Variants in DCLK2 observed in about 807,000 individuals in gnomAD.
DCLK2 encodes doublecortin like kinase 2.
DCLK2 carries 31 observed loss-of-function variants against 78.4 expected under a neutral mutation model. That is an observed-to-expected ratio of 0.40 (90% CI 0.30 to 0.53). DCLK2 has a LOEUF of 0.53. Ranked by LOEUF, DCLK2 falls within the 20% of genes least tolerant of loss-of-function variation. The pLI, the probability that DCLK2 is intolerant of heterozygous loss-of-function variation, is 0.61. For missense variants in DCLK2, 872 were observed against 973.7 expected (o/e 0.90, Z 1.39); for synonymous variants, 407 against 374.9 (o/e 1.09, Z -0.99).
chr4:150,249,441 C>T lies in DCLK2; in HGVS notation c.1957-127C>T, dbSNP rs570501046. 416 of 732,776 alleles carry T rather than the reference C, an allele frequency of 5.7e-4. 3 individuals are homozygous for T. Among genetic ancestry groups the T allele is most frequent in the Non-Finnish European group, 9.0e-4 (368 of 410,192 alleles). The allele number at this position is 732,776 out of a possible 1,614,324, so 45.4% of individuals were successfully genotyped here. A position where few individuals can be genotyped will look rare whatever the true frequency, so the allele number is the denominator to read the frequency against. On this transcript the variant is annotated intron_variant, in intron 14 of 15. Coordinates refer to ENST00000296550, the MANE Select transcript of DCLK2 (RefSeq NM_001040260.4). ...GATCATTGTTTCCCTAATTCTGTGGCTAAGAGGGGCCCATTTAGGAAGAGG... is the reference window on the plus strand; with the variant it reads ...GATCATTGTTTCCCTAATTCTGTGGTTAAGAGGGGCCCATTTAGGAAGAGG...
At chr4:150,187,818 T>TG (rs34788043) in intron 2 of DCLK2, among the ~76,000 whole-genome samples, 2 of 151,040 alleles carry the variant, frequency 1.3e-5, no homozygotes, top group African/African-American at 2.4e-5. Context: ...TTTTTTTTTT[T>TG]GTGACAGAGT....
rs183391707 is a variant in DCLK2 at position 150,085,471 on chromosome 4, A to G, written c.421+6023A>G. On this transcript the variant is annotated intron_variant, in intron 1 of 15. Coordinates refer to ENST00000296550, the MANE Select transcript of DCLK2 (RefSeq NM_001040260.4). The stretch of plus-strand genomic sequence containing the variant: ...GCTAAATTCCCTCCTTTTATAACTA[A>G]CCCACTCCCACAATAACAGCTTTAA... 7.9e-5 allele frequency among the ~76,000 whole-genome samples: 12 copies of G among 152,226 alleles called. No individual in the cohort carries two copies. The East Asian group carries it at 1.2e-3, about 15-fold the overall frequency.
chr4:150,225,505 C>T (rs147941134), intron 8 of DCLK2, among the ~76,000 whole-genome samples: 242 of 152,276 alleles, frequency 1.6e-3, no homozygotes, highest in African/African-American at 5.7e-3. Context: ...AGAGAACAAG[C>T]TGTAGAGCTA....
intron 5 of DCLK2, among the ~76,000 whole-genome samples, chr4:150,208,834 A>G (rs9760725): frequency 1.4e-3 from 209 of 152,280 alleles, no homozygotes; most frequent in African/African-American, 4.9e-3. Flanking sequence ...CAGAGTTCAC[A>G]ATAGTTTAGC....
At chr4:150,141,873 AC>A (rs1331371784) in intron 2 of DCLK2, among the ~76,000 whole-genome samples, 1 of 152,206 alleles carries the variant, frequency 6.6e-6, no homozygotes. Flanking sequence ...GTGATTTAAT[AC>A]CCTGGAATAT....
chr4:150,115,093 T>C (rs74749082), intron 2 of DCLK2, among the ~76,000 whole-genome samples: 1 of 152,366 alleles, frequency 6.6e-6, no homozygotes, highest in Non-Finnish European at 1.5e-5. Context: ...TTTTAATTAC[T>C]TTTTCCTTGT....
Position 150,218,050 on chromosome 4 carries a change from A to ACTCTCGCTCTCT in DCLK2, c.1057-2635_1057-2624dup, listed in dbSNP as rs534942242. Among the ~76,000 whole-genome samples the ACTCTCGCTCTCT allele has an allele frequency of 1.2e-3, 184 of 149,398 alleles. No homozygotes were observed. In the East Asian group the frequency reaches 0.028, roughly 23 times the overall value. On this transcript the variant is annotated intron_variant, in intron 5 of 15. Coordinates refer to ENST00000296550, the MANE Select transcript of DCLK2 (RefSeq NM_001040260.4). ...GCCATGCTCGCTGTTGCTCGCTCTC[A>ACTCTCGCTCTCT]CTCTCGCTCTCTCTCTCGCTCTCTC...
chr4:150,188,756 G>A (rs1429803835), intron 2 of DCLK2, among the ~76,000 whole-genome samples: 1 of 151,814 alleles, frequency 6.6e-6, no homozygotes, highest in Non-Finnish European at 1.5e-5. Flanking sequence ...AAAAAAATAA[G>A]CTGGGCATGG....
intron 2 of DCLK2, among the ~76,000 whole-genome samples, chr4:150,123,003 C>T (rs1732672860): frequency 6.6e-6 from 1 of 152,210 alleles, no homozygotes; most frequent in East Asian, 1.9e-4. Flanking sequence ...TAGGACCTTG[C>T]TTTGGATTAG....
chr4:150,166,478 A>G (rs575247449), intron 2 of DCLK2, among the ~76,000 whole-genome samples: 1 of 152,180 alleles, frequency 6.6e-6, no homozygotes, highest in African/African-American at 2.4e-5. Flanking sequence ...TGAGTGACAG[A>G]GTGAGACCCT....
At chr4:150,138,832 A>C (rs1283462840) in intron 2 of DCLK2, among the ~76,000 whole-genome samples, 2 of 151,660 alleles carry the variant, frequency 1.3e-5, no homozygotes, top group Non-Finnish European at 2.9e-5. Context: ...TGCCCAGCTA[A>C]TTTTTGTATT....
intron 4 of DCLK2, among the ~76,000 whole-genome samples, chr4:150,202,208 G>GT (rs1294208883): frequency 2.0e-5 from 3 of 152,242 alleles, no homozygotes; most frequent in African/African-American, 4.8e-5. Flanking sequence ...TTTTAAAGAA[G>GT]TTTTTTTAGA....
chr4:150,196,420 G>A (rs1176381291), intron 3 of DCLK2, among the ~76,000 whole-genome samples: 1 of 152,188 alleles, frequency 6.6e-6, no homozygotes, highest in East Asian at 1.9e-4. Flanking sequence ...TGCTCCCTTT[G>A]TGTAAGGTTT....
intron 10 of DCLK2, 23 bp downstream of exon 10, chr4:150,232,851 G>T (rs368051620): frequency 8.7e-6 from 14 of 1,603,648 alleles, no homozygotes; most frequent in Non-Finnish European, 1.2e-5. Context: ...TGCTTTTTCT[G>T]TTCCAATGAA....
Position 150,079,148 on chromosome 4 carries a change from G to T in DCLK2, c.121G>T (p.Gly41Trp). ...GGGCAGCAGCAGCTCGGGCCCCAAG[G>T]GGAACGGGCTCATCCCCAGTCCGGC... ...SGGSSSSGPK[G>W]NGLIPSPAHS... is the part of the protein sequence containing the mutation. The change falls in exon 1 of 16, where the codon GGG (glycine) becomes TGG (tryptophan). Residue 41 changes from glycine (G) to tryptophan (W), a missense_variant. Around this residue, in one of 3 missense-constraint regions of DCLK2, gnomAD observed 567 missense variants for 593.4 expected, o/e 0.96. Transcript: ENST00000296550. 1 of 1,599,666 alleles carries T rather than the reference G, an allele frequency of 6.3e-7. No homozygotes were observed. Among genetic ancestry groups the T allele is most frequent in the South Asian group, 1.1e-5 (1 of 88,528 alleles).
rs1744569344 is a variant in DCLK2, at chr4:150,256,349, C to T, written c.*102C>T. ...CTGCAGGCCTCCCTCTCTTCACCGC[C>T]TGCGCCTGAGTTCGCGGGTCCTCCG... On this transcript the variant is annotated 3_prime_UTR_variant, in exon 16 of 16. Transcript: ENST00000296550. The T allele has an allele frequency of 7.0e-7, 1 of 1,419,198 alleles. No homozygotes were observed. The highest frequency in any genetic ancestry group is 1.5e-5 in the African/African-American group (1 of 68,952). 87.9% of individuals were successfully genotyped at this position (1,419,198 alleles called of 1,614,324 possible).
intron 2 of DCLK2, among the ~76,000 whole-genome samples, chr4:150,131,284 A>G (rs555569769): frequency 5.1e-4 from 78 of 152,296 alleles, no homozygotes; most frequent in African/African-American, 1.8e-3. Flanking sequence ...AAATTAAACA[A>G]ATGTGATATT....
At chr4:150,144,043 T>C (rs1044633254) in intron 2 of DCLK2, among the ~76,000 whole-genome samples, 2 of 152,192 alleles carry the variant, frequency 1.3e-5, no homozygotes, top group African/African-American at 4.8e-5. Flanking sequence ...CCTTTTAGAT[T>C]AATTAAGTCA....
intron 2 of DCLK2, among the ~76,000 whole-genome samples, chr4:150,123,548 G>A (rs563961961): frequency 6.6e-6 from 1 of 152,172 alleles, no homozygotes; most frequent in Non-Finnish European, 1.5e-5. Flanking sequence ...CTGAAATATT[G>A]TGAAAATTAT....
Sources: allele counts gnomAD v4.1 joint callset (sites outside exome capture counted in the v4.1 genomes callset), GRCh38; gene constraint gnomAD v4.1.1; regional missense constraint gnomAD v4.1.1; transcripts MANE v1.5; gene names NCBI Gene and HGNC (gene_info 2026-07-23, HGNC 2026-07-21).